PODXL2: variants seen among roughly 807,000 people sequenced by gnomAD.
The protein encoded by PODXL2 is podocalyxin like 2.
A neutral mutation model predicts 53.4 loss-of-function variants in PODXL2; 17 were observed. That is an observed-to-expected ratio of 0.32 (90% CI 0.22 to 0.48). PODXL2 has a LOEUF of 0.48. PODXL2 is among the 20% of genes least tolerant of loss of function. The probability of loss-of-function intolerance (pLI) is 0.99; values close to 1 mark genes in which losing one functional copy is unlikely to be tolerated. For synonymous variants in PODXL2, 311 were observed against 306.7 expected, an observed-to-expected ratio of 1.01 and a Z score of -0.15; for missense variants, 673 against 760.0, an observed-to-expected ratio of 0.89 and a Z score of 1.35.
intron 2 of PODXL2, among the ~76,000 whole-genome samples, chr3:127,648,840 T>C (rs1172908416): frequency 6.7e-6 from 1 of 148,880 alleles, no homozygotes; most frequent in Admixed American, 6.8e-5. Context: ...TCGACCAGGC[T>C]GGAGTGCACT....
At chr3:127,666,043 A>G (rs1461503807) in intron 4 of PODXL2, 1 of 390,696 alleles carries the variant, frequency 2.6e-6, no homozygotes, top group Non-Finnish European at 5.1e-6. Flanking sequence ...TCTCTAGGGC[A>G]TAGATATACA....
At chr3:127,648,593 G>A (rs1220389046) in intron 2 of PODXL2, among the ~76,000 whole-genome samples, 1 of 151,020 alleles carries the variant, frequency 6.6e-6, no homozygotes, top group East Asian at 1.9e-4. Context: ...GTCAGTGAAT[G>A]TTAACGTTTT....
In PODXL2 at chr3:127,639,693, C is replaced by G. The variant is rs550888897; in HGVS notation, c.349+170C>G. On this transcript the variant is annotated intron_variant, in intron 2 of 7. Coordinates refer to ENST00000342480, the MANE Select transcript of PODXL2 (RefSeq NM_015720.4). ...GCAAAGGCTCTGGGACCCTGAATGT[C>G]TCACAGGCCCAGGAGGCCCTTTCTC... 5.9e-5 allele frequency among the ~76,000 whole-genome samples: 9 copies of G among 152,350 alleles called. No individual in the cohort carries two copies. The South Asian group carries it at 1.9e-3, about 32-fold the overall frequency.
rs988325770 is a variant in PODXL2, at chr3:127,648,787, C to CTTTTT, written c.349+9283_349+9287dup. ...CTATGCCCAGCTAATTTTTGTATTT[C>CTTTTT]TTTTTTTTTTTTTTTTTTTTTTTGA... On this transcript the variant is annotated intron_variant, in intron 2 of 7. Transcript: ENST00000342480. 1.5e-3 allele frequency among the ~76,000 whole-genome samples: 148 copies of CTTTTT among 97,846 alleles called. 1 individual carries two copies. Among genetic ancestry groups the CTTTTT allele is most frequent in the Middle Eastern group, 8.8e-3 (1 of 114 alleles). 64.2% of individuals were successfully genotyped at this position (97,846 alleles called of 152,430 possible).
At chr3:127,638,773 T>C (rs965181796) in intron 1 of PODXL2, among the ~76,000 whole-genome samples, 1 of 152,196 alleles carries the variant, frequency 6.6e-6, no homozygotes, top group East Asian at 1.9e-4. Context: ...ATTGCTGAAA[T>C]ACAAATGATA....
chr3:127,642,747 C>T (rs577384443), intron 2 of PODXL2, among the ~76,000 whole-genome samples: 3 of 152,180 alleles, frequency 2.0e-5, no homozygotes, highest in African/African-American at 7.2e-5. Flanking sequence ...ATAGAATATA[C>T]ATATACACAA....
At chr3:127,670,088 T>C (rs1331905563) in intron 6 of PODXL2, among the ~76,000 whole-genome samples, 3 of 152,172 alleles carry the variant, frequency 2.0e-5, no homozygotes, top group Non-Finnish European at 4.4e-5. Flanking sequence ...GTGGTGCTTT[T>C]CTGGTGAGCA....
At chr3:127,671,809 G>T (rs1180038558) in intron 7 of PODXL2, among the ~76,000 whole-genome samples, 196 bp downstream of exon 7, 6 of 152,224 alleles carry the variant, frequency 3.9e-5, no homozygotes. Context: ...TGCAGGGAGT[G>T]AGGGGGCTGC....
Position 127,669,185 on chromosome 3 carries a change from C to T in PODXL2, c.1408C>T (p.Arg470Cys), listed in dbSNP as rs1351164950. ...QDVLSMLGDI[R>C]RSLEEIGIQN... ...TGTCCTTTCCATGCTGGGTGACATC[C>T]GCAGGAGCCTGGAGGAGGTAAGAGT... Residue 470 changes from arginine to cysteine, a missense_variant, in exon 6 of 8, where the codon CGC (arginine) becomes TGC (cysteine). Transcript: ENST00000342480. 8 of 1,607,454 alleles carry T rather than the reference C, an allele frequency of 5.0e-6. No individual in the cohort carries two copies. Among genetic ancestry groups the T allele is most frequent in the Admixed American group, 1.7e-5 (1 of 58,334 alleles).
chr3:127,640,710 AT>A lies in PODXL2; in HGVS notation c.349+1188del, dbSNP rs1157776760. On this transcript the variant is annotated intron_variant, in intron 2 of 7. Transcript: ENST00000342480. Reference sequence around the variant, plus strand: ...GAACAAAACTCTATCTCAAAAAAAAATAAAATAAAATAAAAAATAAAAACTA... The same window carrying A: ...GAACAAAACTCTATCTCAAAAAAAAAAAAATAAAATAAAAAATAAAAACTA... 2.0e-4 allele frequency among the ~76,000 whole-genome samples: 30 copies of A among 151,824 alleles called. No homozygotes were observed. The East Asian group carries it at 5.8e-3, about 29-fold the overall frequency.
At chr3:127,671,362 A>C in intron 6 of PODXL2, 72 bp from the exon 7 acceptor site, 1 of 1,410,164 alleles carries the variant, frequency 7.1e-7, no homozygotes, top group Non-Finnish European at 9.9e-7. Context: ...ACCCGAGCCC[A>C]ATGCAACCAC....
intron 2 of PODXL2, among the ~76,000 whole-genome samples, chr3:127,641,446 C>T (rs1412335419): frequency 3.3e-5 from 5 of 151,688 alleles, no homozygotes; most frequent in African/African-American, 9.7e-5. Context: ...TGGGCTCAAG[C>T]GATCCTCCTC....
At chr3:127,662,367 G>A (rs375432935) in intron 4 of PODXL2, 56 bp downstream of exon 4, 1 of 1,429,398 alleles carries the variant, frequency 7.0e-7, no homozygotes. Flanking sequence ...AGTGGACAGG[G>A]TGGGGCAGAG....
intron 6 of PODXL2, among the ~76,000 whole-genome samples, chr3:127,669,787 T>A (rs2074820181): frequency 6.6e-6 from 1 of 152,202 alleles, no homozygotes; most frequent in Admixed American, 6.5e-5. Context: ...GCCTGGCCCA[T>A]CCCGATCAAC....
intron 6 of PODXL2, 87 bp downstream of exon 6, chr3:127,669,289 C>A: frequency 1.1e-6 from 1 of 918,608 alleles, no homozygotes; most frequent in Non-Finnish European, 1.7e-6. Context: ...CTGCCCACAT[C>A]GTGAGGTTCA....
At chr3:127,650,190 T>C (rs191125816) in intron 2 of PODXL2, among the ~76,000 whole-genome samples, 4 of 152,188 alleles carry the variant, frequency 2.6e-5, no homozygotes, top group African/African-American at 7.2e-5. Context: ...TTCATTGATA[T>C]TTCAGCCTGT....
chr3:127,661,628 G>C (rs779024559), intron 3 of PODXL2, among the ~76,000 whole-genome samples: 3 of 151,944 alleles, frequency 2.0e-5, no homozygotes, highest in Non-Finnish European at 1.5e-5. Flanking sequence ...GTGGAGACAG[G>C]GTTTCACCAT....
At chr3:127,661,255 G>T (rs930793243) in intron 3 of PODXL2, 96 bp downstream of exon 3, 1 of 920,920 alleles carries the variant, frequency 1.1e-6, no homozygotes, top group Non-Finnish European at 1.6e-6. Flanking sequence ...GATCTGCCAG[G>T]TTGAGGAGGG....
At chr3:127,659,063 A>G (rs2074745009) in intron 2 of PODXL2, among the ~76,000 whole-genome samples, 1 of 152,026 alleles carries the variant, frequency 6.6e-6, no homozygotes, top group Non-Finnish European at 1.5e-5. Context: ...GACTTTCAAT[A>G]TCCAAGAAAT....
Sources: gnomAD v4.1 joint callset for allele counts (sites outside exome capture counted in the v4.1 genomes callset) on GRCh38, gnomAD v4.1.1 for gene constraint, MANE v1.5 for transcripts, NCBI Gene and HGNC (gene_info 2026-07-23, HGNC 2026-07-21) for gene names.